Variants in GFPT1 observed in about 807,000 individuals in gnomAD.
GFPT1 encodes the protein glutamine--fructose-6-phosphate transaminase 1.
A neutral mutation model predicts 92.0 loss-of-function variants in GFPT1; 40 were observed. The observed-to-expected ratio is 0.43, with a 90% CI of 0.34 to 0.57. The LOEUF is 0.57. Ranked by LOEUF, GFPT1 falls within the 20% of genes least tolerant of loss-of-function variation. The pLI, the probability that GFPT1 is intolerant of heterozygous loss-of-function variation, is 0.02. For missense variants in GFPT1, 448 were observed against 869.1 expected, an observed-to-expected ratio of 0.52 and a Z score of 6.09; for synonymous variants, 269 against 280.6, an observed-to-expected ratio of 0.96 and a Z score of 0.41.
intron 17 of GFPT1, 27 bp from the exon 18 acceptor site, chr2:69,328,465 T>A: frequency 6.4e-7 from 1 of 1,556,900 alleles, no homozygotes; most frequent in Non-Finnish European, 8.9e-7. Flanking sequence ...AGATTTGTCT[T>A]CAATCCACTT....
chr2:69,342,987 C>T (rs1023340463), intron 12 of GFPT1, among the ~76,000 whole-genome samples: 7 of 152,188 alleles, frequency 4.6e-5, no homozygotes, highest in African/African-American at 1.7e-4. Context: ...CAGCAACATT[C>T]TCCAGTTCTC....
At chr2:69,373,447 G>A (rs189800869) in intron 2 of GFPT1, among the ~76,000 whole-genome samples, 133 of 152,106 alleles carry the variant, frequency 8.7e-4, no homozygotes, top group Non-Finnish European at 1.5e-3. Flanking sequence ...TGAGACTCTC[G>A]TGTCTACAAA....
intron 17 of GFPT1, 129 bp from the exon 18 acceptor site, chr2:69,328,567 T>C (rs1670585700): frequency 1.5e-6 from 1 of 655,408 alleles, no homozygotes; most frequent in Non-Finnish European, 2.7e-6. Flanking sequence ...GGACCACTGA[T>C]CTATAAATAT....
intron 2 of GFPT1, among the ~76,000 whole-genome samples, chr2:69,373,551 C>T (rs4410328): frequency 0.45 from 68,889 of 151,634 alleles, 16,091 homozygotes; most frequent in African/African-American, 0.57. Context: ...GCCCAGAGTT[C>T]GAGACTGTAG....
intron 3 of GFPT1, among the ~76,000 whole-genome samples, chr2:69,369,654 C>T (rs1213753822): frequency 6.6e-6 from 1 of 152,200 alleles, no homozygotes; most frequent in Non-Finnish European, 1.5e-5. Flanking sequence ...CAAGTGAAGA[C>T]ATGTGTAAAA....
chr2:69,328,882 T>C (rs1015338682), intron 17 of GFPT1, among the ~76,000 whole-genome samples: 18 of 152,024 alleles, frequency 1.2e-4, no homozygotes, highest in African/African-American at 3.9e-4. Flanking sequence ...TTTGTATTAT[T>C]AGTAGAGATG....
At chr2:69,376,213 C>T (rs1671866639) in intron 1 of GFPT1, among the ~76,000 whole-genome samples, 1 of 152,188 alleles carries the variant, frequency 6.6e-6, no homozygotes, top group South Asian at 2.1e-4. Context: ...TAAAACAATA[C>T]TTTAATACAA....
At chr2:69,333,897 C>T (rs552898285) in intron 15 of GFPT1, among the ~76,000 whole-genome samples, 1 of 152,182 alleles carries the variant, frequency 6.6e-6, no homozygotes, top group Non-Finnish European at 1.5e-5. Context: ...GTGGCTTACG[C>T]CTGTAATCCC....
rs747078212 is a variant in GFPT1, at chr2:69,387,090, C to G, written c.-19G>C. The G allele has an allele frequency of 8.5e-6, 13 of 1,536,464 alleles. No homozygotes were observed. Among genetic ancestry groups the G allele is most frequent in the Middle Eastern group, 1.7e-4 (1 of 5,886 alleles). ...CACACATGATGCCGGAGACACGGCC[C>G]GCGAGGCCAGGGGCGAGTGGCTGGC... On this transcript the variant is annotated 5_prime_UTR_variant, in exon 1 of 20. Transcript: ENST00000357308.
intron 15 of GFPT1, among the ~76,000 whole-genome samples, chr2:69,335,124 A>G (rs1305226145): frequency 1.3e-5 from 2 of 151,998 alleles, no homozygotes; most frequent in African/African-American, 4.8e-5. Context: ...CTCGTGCCTC[A>G]GCCTCCTGAG....
intron 14 of GFPT1, 109 bp downstream of exon 14, chr2:69,338,331 CGTCAA>C (rs1558738584): frequency 5.6e-6 from 5 of 888,484 alleles, no homozygotes; most frequent in South Asian, 1.4e-5. Context: ...AATCTGTATT[CGTCAA>C]GTCATCTGCA....
intron 4 of GFPT1, among the ~76,000 whole-genome samples, chr2:69,363,298 C>T (rs1671520862): frequency 1.3e-5 from 2 of 152,018 alleles, no homozygotes; most frequent in African/African-American, 4.8e-5. Flanking sequence ...GAGACAGGGT[C>T]TCACTATGTT....
chr2:69,322,973 G>A lies in GFPT1; in HGVS notation c.*3216C>T, dbSNP rs1670450023. 1 of 151,990 alleles carries A rather than the reference G, an allele frequency of 6.6e-6. No homozygotes were observed. Among genetic ancestry groups the A allele is most frequent in the Non-Finnish European group, 1.5e-5 (1 of 68,016 alleles). The allele number at this position is 151,990 out of a possible 1,614,324, so 9.4% of individuals were successfully genotyped here. A position where few individuals can be genotyped will look rare whatever the true frequency, so the allele number is the denominator to read the frequency against. On this transcript the variant is annotated 3_prime_UTR_variant, in exon 20 of 20. Transcript: ENST00000357308. ...CTTTGCTAGTGATGAGTCCATCTGG[G>A]GACAAATACTGCTTTAAAGATGATG...
At position 69,363,647 on chromosome 2, in the gene GFPT1, T is replaced by C. The variant is rs1480831620; in HGVS notation, c.247A>G (p.Ile83Val). ...VHKQQDMDLD[I>V]EFDVHLGIAH... ...ATTCCAAGGTGTACATCAAATTCTA[T>C]ATCCAAATCCATATCTTGTTGCTCT... The change falls in exon 4 of 20, where the codon ATA becomes GTA. Residue 83 changes from isoleucine (I) to valine (V), a missense_variant. Physicochemically the swap from Ile to Val is conservative, Grantham distance 29. This residue lies in a region of GFPT1 where 72 missense variants were observed against 95.1 expected (regional missense o/e 0.76). Coordinates refer to ENST00000357308, the MANE Select transcript of GFPT1 (RefSeq NM_001244710.2). 1 of 1,607,712 alleles carries C rather than the reference T, an allele frequency of 6.2e-7. No individual in the cohort carries two copies. Among genetic ancestry groups the C allele is most frequent in the Non-Finnish European group, 8.5e-7 (1 of 1,174,104 alleles).
At position 69,363,813 on chromosome 2, in the gene GFPT1, A is replaced by T. The variant is rs897729204; in HGVS notation, c.224-143T>A. ...ACTAAAGATCAGGCATATTCAAAAT[A>T]GTGATTAAAAGACTTAGGAGGCAGG... On this transcript the variant is annotated intron_variant, in intron 3 of 19. Transcript: ENST00000357308. 8.5e-6 allele frequency: 6 copies of T among 706,272 alleles called. No individual in the cohort carries two copies. The African/African-American group carries it at 1.1e-4, about 12-fold the overall frequency. The allele number at this position is 706,272 out of a possible 1,614,324, so 43.8% of individuals were successfully genotyped here.
intron 11 of GFPT1, among the ~76,000 whole-genome samples, chr2:69,347,173 A>T (rs934182637): frequency 6.6e-6 from 1 of 151,098 alleles, no homozygotes; most frequent in African/African-American, 2.4e-5. Flanking sequence ...AGCCTCCCAA[A>T]GTGCTAGGAT....
At chr2:69,328,221 G>GT (rs1670578526) in intron 18 of GFPT1, 50 bp downstream of exon 18, 1 of 1,401,600 alleles carries the variant, frequency 7.1e-7, no homozygotes, top group Non-Finnish European at 1.0e-6. Flanking sequence ...ATAAGCTAGC[G>GT]TAACTCCCCT....
chr2:69,356,639 G>A, intron 6 of GFPT1, 82 bp from the exon 7 acceptor site: 1 of 984,184 alleles, frequency 1.0e-6, no homozygotes, highest in Non-Finnish European at 1.6e-6. Flanking sequence ...CTTCAGCGCA[G>A]AAATTTTTTG....
At chr2:69,365,546 A>G (rs1671590711) in intron 3 of GFPT1, among the ~76,000 whole-genome samples, 3 of 152,230 alleles carry the variant, frequency 2.0e-5, no homozygotes, top group Admixed American at 2.0e-4. Context: ...ATATGTTGTC[A>G]ACCTAGCTTC....
Sources: gnomAD v4.1 joint callset for allele counts (sites outside exome capture counted in the v4.1 genomes callset) on GRCh38, gnomAD v4.1.1 for gene constraint, gnomAD v4.1.1 regional missense constraint, MANE v1.5 for transcripts, NCBI Gene and HGNC (gene_info 2026-07-23, HGNC 2026-07-21) for gene names.